TBCK: variants seen among roughly 807,000 people sequenced by gnomAD.
TBCK encodes TBC1 domain containing kinase.
TBCK carries 99 observed loss-of-function variants against 113.4 expected under a neutral mutation model. The observed-to-expected ratio is 0.87, with a 90% CI of 0.74 to 1.03. The LOEUF is 1.03. Ranked by LOEUF, TBCK falls within the 50% of genes least tolerant of loss-of-function variation. The pLI is 0.00. For synonymous variants in TBCK, 369 were observed against 370.8 expected (o/e 1.00, Z 0.05); for missense variants, 1,045 against 1,061.3 (o/e 0.98, Z 0.21).
intron 25 of TBCK, among the ~76,000 whole-genome samples, chr4:106,084,763 A>G (rs1311635031): frequency 6.6e-6 from 1 of 152,238 alleles, no homozygotes; most frequent in Non-Finnish European, 1.5e-5. Flanking sequence ...TCTACAAGCC[A>G]GAAGAGACTG....
At chr4:106,240,624 AT>A (rs1759998220) in intron 12 of TBCK, among the ~76,000 whole-genome samples, 1 of 152,000 alleles carries the variant, frequency 6.6e-6, no homozygotes, top group African/African-American at 2.4e-5. Flanking sequence ...ATTTTACTAC[AT>A]GAAAAAATAT....
intron 24 of TBCK, among the ~76,000 whole-genome samples, chr4:106,107,702 A>T (rs1322501226): frequency 2.0e-5 from 3 of 152,200 alleles, no homozygotes; most frequent in Non-Finnish European, 2.9e-5. Context: ...TAAATTAACA[A>T]CCTAACTTCA....
At position 106,242,616 on chromosome 4, in the gene TBCK, T is replaced by C. The variant is rs9996386; in HGVS notation, c.1071-47A>G. 0.073 allele frequency: 99,391 copies of C among 1,356,318 alleles called. 4,226 individuals are homozygous for C. The highest frequency in any genetic ancestry group is 0.083 in the Non-Finnish European group (82,014 of 987,382). 84.0% of individuals were successfully genotyped at this position (1,356,318 alleles called of 1,614,324 possible). ...TAATATGTACACAAAATCCAGTTTA[T>C]TGTTTCTTCTAGAAAGTAAAGTTTA... On this transcript the variant is annotated intron_variant, in intron 11 of 25. Transcript: ENST00000394708.
chr4:106,294,389 A>C (rs1009872381), intron 3 of TBCK, among the ~76,000 whole-genome samples: 7 of 151,766 alleles, frequency 4.6e-5, no homozygotes, highest in African/African-American at 1.7e-4. Flanking sequence ...CCACTTTGGG[A>C]GGGTGAGGCG....
intron 7 of TBCK, 132 bp from the exon 8 acceptor site, chr4:106,249,114 A>G (rs1295851074): frequency 3.7e-6 from 2 of 536,474 alleles, no homozygotes; most frequent in Non-Finnish European, 6.4e-6. Context: ...AAACTTTATC[A>G]TTTTGTTAAA....
At chr4:106,244,130 T>G (rs1341814893) in intron 11 of TBCK, among the ~76,000 whole-genome samples, 1 of 152,186 alleles carries the variant, frequency 6.6e-6, no homozygotes, top group Non-Finnish European at 1.5e-5. Flanking sequence ...TCTAGCATGA[T>G]ATCTTCTTAT....
chr4:106,282,638 A>G (rs1764718412), intron 3 of TBCK, among the ~76,000 whole-genome samples: 1 of 151,958 alleles, frequency 6.6e-6, no homozygotes, highest in Non-Finnish European at 1.5e-5. Flanking sequence ...GAAATTTTTC[A>G]ATTTCCTTCT....
At chr4:106,137,254 T>C (rs72964485) in intron 23 of TBCK, among the ~76,000 whole-genome samples, 4,379 of 140,762 alleles carry the variant, frequency 0.031, 544 homozygotes, top group African/African-American at 0.1. Flanking sequence ...GACAAATATC[T>C]CAATTTTGGC....
chr4:106,190,582 A>G (rs1278425361), intron 22 of TBCK, among the ~76,000 whole-genome samples: 1 of 152,240 alleles, frequency 6.6e-6, no homozygotes, highest in Non-Finnish European at 1.5e-5. Context: ...GTAAACTCAA[A>G]GCCTTATTGT....
At chr4:106,245,214 T>C (rs974774423) in intron 10 of TBCK, among the ~76,000 whole-genome samples, 4 of 152,118 alleles carry the variant, frequency 2.6e-5, no homozygotes, top group Non-Finnish European at 5.9e-5. Context: ...CACACTTTTG[T>C]GAGTCTGGAG....
At chr4:106,093,312 C>T (rs1384718683) in intron 25 of TBCK, among the ~76,000 whole-genome samples, 3 of 152,164 alleles carry the variant, frequency 2.0e-5, no homozygotes, top group African/African-American at 7.2e-5. Flanking sequence ...TGAGACCACC[C>T]TGTCTAACAT....
At chr4:106,202,053 T>C (rs6818197) in intron 20 of TBCK, among the ~76,000 whole-genome samples, 28,314 of 151,914 alleles carry the variant, frequency 0.19, 2,658 homozygotes, top group South Asian at 0.25. Flanking sequence ...ATCTAGAACA[T>C]CTGGCATTTA....
intron 25 of TBCK, among the ~76,000 whole-genome samples, chr4:106,079,483 T>G (rs562025171): frequency 6.6e-6 from 1 of 152,216 alleles, no homozygotes; most frequent in East Asian, 1.9e-4. Flanking sequence ...ACAAAATAAA[T>G]GTACAAAAAT....
At chr4:106,231,944 GATAGTGTAGCACAC>G in intron 17 of TBCK, among the ~76,000 whole-genome samples, 165 bp from the exon 18 acceptor site, 1 of 151,902 alleles carries the variant, frequency 6.6e-6, no homozygotes, top group East Asian at 1.9e-4. Flanking sequence ...GGGAGTGAGT[GATAGTGTAGCACAC>G]AGTATGTGTC....
At chr4:106,258,884 A>C (rs1460564935) in intron 5 of TBCK, among the ~76,000 whole-genome samples, 2 of 151,908 alleles carry the variant, frequency 1.3e-5, no homozygotes. Flanking sequence ...TTTTTTGAAC[A>C]AATAAGAAAT....
At position 106,248,915 on chromosome 4, in the gene TBCK, A is replaced by G. The variant is rs559198325; in HGVS notation, c.720+6T>C. 7.5e-6 allele frequency: 12 copies of G among 1,599,836 alleles called. 1 individual carries two copies. In the South Asian group the frequency reaches 1.4e-4, roughly 18 times the overall value. On this transcript the variant is annotated splice_donor_region_variant and intron_variant, in intron 8 of 25. Coordinates refer to ENST00000394708, the MANE Select transcript of TBCK (RefSeq NM_001163435.3). ...AAATGGACTAAGACCCAGATTAATG[A>G]CAAACCTTTATAATGTCCAAACAAC... is the stretch of plus-strand genomic sequence containing the variant.
intron 16 of TBCK, 58 bp downstream of exon 16, chr4:106,233,530 T>G (rs1759109504): frequency 1.8e-5 from 25 of 1,420,932 alleles, no homozygotes; most frequent in Non-Finnish European, 2.5e-5. Flanking sequence ...TGCTCCTTCC[T>G]AAAATTTAAA....
intron 5 of TBCK, 86 bp downstream of exon 5, chr4:106,260,351 T>A: frequency 1.9e-6 from 1 of 517,932 alleles, no homozygotes; most frequent in Non-Finnish European, 3.1e-6. Flanking sequence ...CAAAAAGGAA[T>A]ATCAAATATA....
intron 2 of TBCK, among the ~76,000 whole-genome samples, chr4:106,308,297 T>C (rs1767759302): frequency 6.6e-6 from 1 of 152,056 alleles, no homozygotes; most frequent in South Asian, 2.1e-4. Context: ...AAAAATTAAA[T>C]AGAAAATAAT....
Sources: gnomAD v4.1 joint callset for allele counts (sites outside exome capture counted in the v4.1 genomes callset) on GRCh38, gnomAD v4.1.1 for gene constraint, MANE v1.5 for transcripts, NCBI Gene and HGNC (gene_info 2026-07-23, HGNC 2026-07-21) for gene names.